LIN28A: variants seen among roughly 807,000 people sequenced by gnomAD.
LIN28A encodes protein lin-28 homolog A.
Under a neutral mutation model 21.1 loss-of-function variants are expected in LIN28A, and 11 were observed. The observed-to-expected ratio is 0.52, with a 90% CI of 0.33 to 0.86. The LOEUF (loss-of-function observed/expected upper bound fraction) is 0.86, where lower values mean the gene tolerates loss of function less well. LIN28A is among the 40% of genes least tolerant of loss of function. The probability of loss-of-function intolerance (pLI) is 0.03; values close to 1 mark genes in which losing one functional copy is unlikely to be tolerated. For missense variants in LIN28A, 219 were observed against 279.8 expected, an observed-to-expected ratio of 0.78 and a Z score of 1.55; for synonymous variants, 111 against 108.7, an observed-to-expected ratio of 1.02 and a Z score of -0.13.
chr1:26,412,777 A>G (rs990546484), intron 2 of LIN28A, among the ~76,000 whole-genome samples: 1 of 152,042 alleles, frequency 6.6e-6, no homozygotes, highest in Non-Finnish European at 1.5e-5. Context: ...TGGATGGACT[A>G]GTTGGAGGCA....
In LIN28A at chr1:26,411,001, G is replaced by C; in HGVS notation, c.31+79G>C. The C allele has an allele frequency of 4.5e-6, 7 of 1,551,080 alleles. No homozygotes were observed. In the South Asian group the frequency reaches 8.3e-5, roughly 18 times the overall value. On this transcript the variant is annotated intron_variant, in intron 1 of 3. Transcript: ENST00000326279. The surrounding 1 kb of genome is among the most constrained non-coding windows in gnomAD (Gnocchi z 5.4). ...CCACGTAGAAGGGAGGTGGGGAACT[G>C]AGTCCTAGGCTGCCCAAAGGACCCC...
intron 2 of LIN28A, among the ~76,000 whole-genome samples, chr1:26,412,494 G>A (rs555614138): frequency 6.6e-6 from 1 of 152,262 alleles, no homozygotes; most frequent in South Asian, 2.1e-4. Flanking sequence ...GCATTCCGGT[G>A]GTCCTGGGCC....
chr1:26,411,349 G>A lies in LIN28A; in HGVS notation c.32-37G>A, dbSNP rs1557759556. On this transcript the variant is annotated intron_variant, in intron 1 of 3. Transcript: ENST00000326279. The surrounding 1 kb of genome is among the most constrained non-coding windows in gnomAD (Gnocchi z 5.4). ...GCCCGAGACGGCCCTCCGATTCCGT[G>A]CCCCCCAGCTAAGTGCCCGGCCCTC... 1.3e-6 allele frequency: 2 copies of A among 1,501,668 alleles called. No individual in the cohort carries two copies. Among genetic ancestry groups the A allele is most frequent in the Admixed American group, 2.4e-5 (1 of 42,426 alleles). 93.0% of individuals were successfully genotyped at this position (1,501,668 alleles called of 1,614,324 possible).
chr1:26,425,452 A>C lies in LIN28A; in HGVS notation c.378A>C (p.Gly126=), dbSNP rs1557427204. ...FCIGSERRPK[G]KSMQKRRSKG... ...TTGGGAGTGAGAGGCGGCCAAAAGGAAAGAGCATGCAGAAGCGCAGATCAA... is the reference window on the plus strand; with the variant it reads ...TTGGGAGTGAGAGGCGGCCAAAAGGCAAGAGCATGCAGAAGCGCAGATCAA... Residue 126 remains glycine, a synonymous_variant, in exon 3 of 4, where the codon GGA becomes GGC. Coordinates refer to ENST00000326279, the MANE Select transcript of LIN28A (RefSeq NM_024674.6). The C allele has an allele frequency of 6.2e-7, 1 of 1,614,102 alleles. No homozygotes were observed.
At position 26,429,113 on chromosome 1, in the gene LIN28A, C is replaced by G. The variant is rs189937738; in HGVS notation, c.*2655C>G. On this transcript the variant is annotated 3_prime_UTR_variant, in exon 4 of 4. Transcript: ENST00000326279. ...CCCGAGAGGCAGAGGTTGCAGTGAG[C>G]TGAGATCGCACCACTGCACTCCAGC... 829 of 157,764 alleles carry G rather than the reference C, an allele frequency of 5.3e-3. 3 individuals carry two copies. Among genetic ancestry groups the G allele is most frequent in the Middle Eastern group, 0.025 (8 of 318 alleles). The allele number at this position is 157,764 out of a possible 1,614,324, so 9.8% of individuals were successfully genotyped here.
chr1:26,418,274 C>T (rs142685888), intron 2 of LIN28A, among the ~76,000 whole-genome samples: 23 of 152,170 alleles, frequency 1.5e-4, no homozygotes, highest in East Asian at 5.8e-4. Flanking sequence ...GGGGTGGGCG[C>T]GGTGGCTCAC....
intron 3 of LIN28A, 93 bp downstream of exon 3, chr1:26,425,580 G>GT: frequency 8.4e-7 from 1 of 1,185,810 alleles, no homozygotes; most frequent in Non-Finnish European, 1.2e-6. Flanking sequence ...AAAGACAAAG[G>GT]GAAGCCTGTG....
At chr1:26,414,262 C>T (rs2074980417) in intron 2 of LIN28A, among the ~76,000 whole-genome samples, 2 of 151,126 alleles carry the variant, frequency 1.3e-5, no homozygotes, top group South Asian at 2.1e-4. Context: ...CAAAACTTCC[C>T]ATTCTTTGGC....
chr1:26,418,488 G>A (rs2124292928), intron 2 of LIN28A, among the ~76,000 whole-genome samples: 1 of 151,972 alleles, frequency 6.6e-6, no homozygotes, highest in East Asian at 1.9e-4. Flanking sequence ...GGAGCTTGCA[G>A]TGAGCCGAGA....
In LIN28A at chr1:26,411,361, A is replaced by G; in HGVS notation, c.32-25A>G. The G allele has an allele frequency of 1.3e-6, 2 of 1,536,888 alleles. No homozygotes were observed. The highest frequency in any genetic ancestry group is 1.4e-5 in the African/African-American group (1 of 71,792). ...CCTCCGATTCCGTGCCCCCCAGCTAAGTGCCCGGCCCTCCCTCTCTCCAGG... is the reference window on the plus strand; with the variant it reads ...CCTCCGATTCCGTGCCCCCCAGCTAGGTGCCCGGCCCTCCCTCTCTCCAGG... On this transcript the variant is annotated intron_variant, in intron 1 of 3. Transcript: ENST00000326279. This position sits in a 1 kb window ranked among gnomAD's most constrained non-coding sequence, Gnocchi z 5.4.
Position 26,411,327 on chromosome 1 carries a change from C to T in LIN28A, c.32-59C>T. On this transcript the variant is annotated intron_variant, in intron 1 of 3. Coordinates refer to ENST00000326279, the MANE Select transcript of LIN28A (RefSeq NM_024674.6). The surrounding 1 kb of genome is among the most constrained non-coding windows in gnomAD (Gnocchi z 5.4). ...TACTCGGGTCTCCCTGCCTGGGGCC[C>T]GAGACGGCCCTCCGATTCCGTGCCC... is the stretch of plus-strand genomic sequence containing the variant. 1 of 1,449,094 alleles carries T rather than the reference C, an allele frequency of 6.9e-7. No homozygotes were observed. The highest frequency in any genetic ancestry group is 1.4e-5 in the South Asian group (1 of 71,106). The allele number at this position is 1,449,094 out of a possible 1,614,324, so 89.8% of individuals were successfully genotyped here. A position where few individuals can be genotyped will look rare whatever the true frequency, so the allele number is the denominator to read the frequency against.
chr1:26,427,935 G>A lies in LIN28A; in HGVS notation c.*1477G>A, dbSNP rs139344812. The stretch of plus-strand genomic sequence containing the variant: ...GAGAAAAAGGGGGTTTCGTTTACAC[G>A]CTGTGAGATCACCGCAAACCTACCT... On this transcript the variant is annotated 3_prime_UTR_variant, in exon 4 of 4. Coordinates refer to ENST00000326279, the MANE Select transcript of LIN28A (RefSeq NM_024674.6). The A allele has an allele frequency of 3.3e-5, 5 of 152,712 alleles. No individual in the cohort carries two copies. Among genetic ancestry groups the A allele is most frequent in the African/African-American group, 9.6e-5 (4 of 41,548 alleles). 9.5% of individuals were successfully genotyped at this position (152,712 alleles called of 1,614,324 possible). A position where few individuals can be genotyped will look rare whatever the true frequency, so the allele number is the denominator to read the frequency against.
intron 2 of LIN28A, among the ~76,000 whole-genome samples, chr1:26,418,542 TAAAAAAA>T (rs10680192): frequency 1.4e-5 from 2 of 144,436 alleles, no homozygotes; most frequent in Non-Finnish European, 3.0e-5. Context: ...CCAGACTTTT[TAAAAAAA>T]AAAAAAAGAA....
chr1:26,417,155 T>C (rs2074998689), intron 2 of LIN28A, among the ~76,000 whole-genome samples: 1 of 152,212 alleles, frequency 6.6e-6, no homozygotes, highest in Admixed American at 6.5e-5. Context: ...GGCCACTCAG[T>C]ACCTCCTGGT....
In LIN28A at chr1:26,425,395, C is replaced by T. The variant is rs1390482251; in HGVS notation, c.321C>T (p.Ile107=). ...FKKSAKGLES[I]RVTGPGGVFC... Reference sequence around the variant, plus strand: ...AGTCAGCCAAGGGTCTGGAATCCATCCGTGTCACCGGACCTGGTGGAGTAT... The same window carrying T: ...AGTCAGCCAAGGGTCTGGAATCCATTCGTGTCACCGGACCTGGTGGAGTAT... Residue 107 remains isoleucine (I), a synonymous_variant, in exon 3 of 4, where the codon ATC becomes ATT. Coordinates refer to ENST00000326279, the MANE Select transcript of LIN28A (RefSeq NM_024674.6). 2 of 1,613,992 alleles carry T rather than the reference C, an allele frequency of 1.2e-6. No individual in the cohort carries two copies. Among genetic ancestry groups the T allele is most frequent in the Non-Finnish European group, 1.7e-6 (2 of 1,180,018 alleles).
At chr1:26,413,081 C>A in intron 2 of LIN28A, among the ~76,000 whole-genome samples, 1 of 152,058 alleles carries the variant, frequency 6.6e-6, no homozygotes, top group Non-Finnish European at 1.5e-5. Context: ...GGGAATTGGC[C>A]TTTTTAGATC....
rs550962458 is a variant in LIN28A, at chr1:26,429,576, G to A, written c.*3118G>A. 6.6e-6 allele frequency: 1 copy of A among 152,378 alleles called. No homozygotes were observed. The highest frequency in any genetic ancestry group is 2.4e-5 in the African/African-American group (1 of 41,574). 9.4% of individuals were successfully genotyped at this position (152,378 alleles called of 1,614,324 possible). Reference sequence around the variant, plus strand: ...GGGCTTTGGTGACCCCATCACTGGGGTGTGTTTATTTGATGGTTGATTTTG... The same window carrying A: ...GGGCTTTGGTGACCCCATCACTGGGATGTGTTTATTTGATGGTTGATTTTG... On this transcript the variant is annotated 3_prime_UTR_variant, in exon 4 of 4. Transcript: ENST00000326279.
chr1:26,413,724 G>C, intron 2 of LIN28A, among the ~76,000 whole-genome samples: 1 of 151,906 alleles, frequency 6.6e-6, no homozygotes, highest in South Asian at 2.1e-4. Flanking sequence ...TGCCAGAAAG[G>C]CTTGGGTCAG....
chr1:26,413,620 C>T (rs986118295), intron 2 of LIN28A, among the ~76,000 whole-genome samples: 4 of 152,088 alleles, frequency 2.6e-5, no homozygotes, highest in African/African-American at 4.8e-5. Flanking sequence ...GAATTTGTCT[C>T]TCTAATCCCC....
Sources: allele counts gnomAD v4.1 joint callset (sites outside exome capture counted in the v4.1 genomes callset), GRCh38; gene constraint gnomAD v4.1.1; non-coding constraint Gnocchi (gnomAD v3.1); transcripts MANE v1.5; gene names NCBI Gene and HGNC (gene_info 2026-07-23, HGNC 2026-07-21).